The following PLPPR1 variants were observed in gnomAD, a reference collection of about 807,000 sequenced individuals.
PLPPR1 encodes phospholipid phosphatase-related protein type 1.
Under a neutral mutation model 33.1 loss-of-function variants are expected in PLPPR1, and 10 were observed. The observed-to-expected ratio is 0.30, with a 90% CI of 0.19 to 0.51. The LOEUF is 0.51. Ranked by LOEUF, PLPPR1 falls within the 20% of genes least tolerant of loss-of-function variation. The pLI, the probability that PLPPR1 is intolerant of heterozygous loss-of-function variation, is 0.97. For synonymous variants in PLPPR1, 151 were observed against 151.0 expected (o/e 1.00, Z 0.00); for missense variants, 304 against 408.1 (o/e 0.74, Z 2.20).
At position 101,113,669 on chromosome 9, in the gene PLPPR1, C is replaced by T. The variant is rs551455864; in HGVS notation, c.-45-71781C>T. The stretch of plus-strand genomic sequence containing the variant: ...AACAAAAAACAAAAAAACCAAAAAA[C>T]AGTCTATTTTGCCACTGAAGCTTTT... On this transcript the variant is annotated intron_variant, in intron 1 of 7. Coordinates refer to ENST00000374874, the MANE Select transcript of PLPPR1 (RefSeq NM_207299.2). Among the ~76,000 whole-genome samples the T allele has an allele frequency of 2.0e-4, 30 of 151,984 alleles. No homozygotes were observed. In the South Asian group the frequency reaches 5.2e-3, roughly 26 times the overall value.
At chr9:101,250,812 T>C (rs145899201) in intron 2 of PLPPR1, among the ~76,000 whole-genome samples, 5 of 152,240 alleles carry the variant, frequency 3.3e-5, no homozygotes, top group Admixed American at 6.5e-5. Flanking sequence ...TATTAGGTGA[T>C]AGATTTGGGG....
At chr9:101,322,220 AAAAAAAAAGAC>A (rs1829166935) in intron 7 of PLPPR1, among the ~76,000 whole-genome samples, 1 of 148,026 alleles carries the variant, frequency 6.8e-6, no homozygotes, top group African/African-American at 2.4e-5. Context: ...AAAAAAAAAA[AAAAAAAAAGAC>A]AGAAATCAGG....
intron 7 of PLPPR1, among the ~76,000 whole-genome samples, chr9:101,320,618 G>T (rs1224574043): frequency 6.6e-6 from 1 of 152,150 alleles, no homozygotes; most frequent in East Asian, 1.9e-4. Flanking sequence ...CTCACATTAT[G>T]CTATCCATAC....
At chr9:101,305,224 C>T (rs1468906968) in intron 4 of PLPPR1, among the ~76,000 whole-genome samples, 3 of 151,826 alleles carry the variant, frequency 2.0e-5, no homozygotes, top group Admixed American at 6.6e-5. Context: ...TGTGTGCGTG[C>T]ATGTGTGCAT....
At chr9:101,134,662 G>C (rs1831357049) in intron 1 of PLPPR1, among the ~76,000 whole-genome samples, 1 of 152,146 alleles carries the variant, frequency 6.6e-6, no homozygotes, top group South Asian at 2.1e-4. Flanking sequence ...GGGATTACAG[G>C]CAGGAGCCAC....
intron 2 of PLPPR1, among the ~76,000 whole-genome samples, chr9:101,243,962 G>C (rs1355872330): frequency 6.6e-6 from 1 of 151,800 alleles, no homozygotes; most frequent in Admixed American, 6.6e-5. Context: ...ATGACCATTT[G>C]AGGTGTGCAC....
At chr9:101,058,870 T>G (rs1564132734) in intron 1 of PLPPR1, among the ~76,000 whole-genome samples, 2 of 152,152 alleles carry the variant, frequency 1.3e-5, no homozygotes, top group Admixed American at 6.6e-5. Context: ...ATTGGTGTTA[T>G]TTTCATATTA....
At chr9:101,259,026 T>G (rs934755295) in intron 2 of PLPPR1, among the ~76,000 whole-genome samples, 1 of 152,122 alleles carries the variant, frequency 6.6e-6, no homozygotes, top group African/African-American at 2.4e-5. Context: ...CCAATTTAGT[T>G]TAAGTTATAC....
intron 4 of PLPPR1, 22 bp downstream of exon 4, chr9:101,286,258 A>C: frequency 2.5e-6 from 4 of 1,585,000 alleles, no homozygotes; most frequent in Non-Finnish European, 3.4e-6. Flanking sequence ...ATGGTGCTGA[A>C]CTAAGCTCTC....
At chr9:101,245,244 C>G (rs556402576) in intron 2 of PLPPR1, among the ~76,000 whole-genome samples, 1 of 151,082 alleles carries the variant, frequency 6.6e-6, no homozygotes, top group African/African-American at 2.4e-5. Flanking sequence ...TACCTTATAG[C>G]AAAAAAAAGA....
chr9:101,313,279 G>T (rs1367798247), intron 6 of PLPPR1, among the ~76,000 whole-genome samples: 1 of 152,022 alleles, frequency 6.6e-6, no homozygotes. Context: ...TGATAAATTG[G>T]CACACCTTCA....
intron 6 of PLPPR1, among the ~76,000 whole-genome samples, chr9:101,316,493 G>A (rs1829051978): frequency 6.6e-6 from 1 of 151,738 alleles, no homozygotes; most frequent in African/African-American, 2.4e-5. Flanking sequence ...GATGAGCCAG[G>A]TAGAGAGGAT....
chr9:101,083,845 A>G (rs897834689), intron 1 of PLPPR1, among the ~76,000 whole-genome samples: 6 of 152,260 alleles, frequency 3.9e-5, no homozygotes, highest in Non-Finnish European at 8.8e-5. Context: ...CCTTATAAAA[A>G]CAAGAGTAAG....
Position 101,273,590 on chromosome 9 carries a change from G to A in PLPPR1, c.252+3522G>A, listed in dbSNP as rs1471520786. On this transcript the variant is annotated intron_variant, in intron 3 of 7. Coordinates refer to ENST00000374874, the MANE Select transcript of PLPPR1 (RefSeq NM_207299.2). The stretch of plus-strand genomic sequence containing the variant: ...TGGACCAGCACCAAATGTAGTCTGT[G>A]GATCTGAATATTTAACATATCCTAA... Among the ~76,000 whole-genome samples, 4 of 152,224 alleles carry A rather than the reference G, an allele frequency of 2.6e-5. No individual in the cohort carries two copies. In the East Asian group the frequency reaches 7.7e-4, roughly 29 times the overall value.
chr9:101,277,602 G>A (rs1229789561), intron 3 of PLPPR1, among the ~76,000 whole-genome samples: 1 of 152,076 alleles, frequency 6.6e-6, no homozygotes, highest in Non-Finnish European at 1.5e-5. Flanking sequence ...TATCATAATG[G>A]CAAAGATGTT....
At chr9:101,086,706 G>C (rs1830680776) in intron 1 of PLPPR1, among the ~76,000 whole-genome samples, 2 of 151,808 alleles carry the variant, frequency 1.3e-5, no homozygotes, top group Non-Finnish European at 1.5e-5. Context: ...TATATCCTTG[G>C]TCAAAATCTA....
chr9:101,089,230 G>A (rs535286175), intron 1 of PLPPR1, among the ~76,000 whole-genome samples: 1 of 152,108 alleles, frequency 6.6e-6, no homozygotes, highest in African/African-American at 2.4e-5. Flanking sequence ...TTATTAAATA[G>A]ATGTTCAAAA....
intron 1 of PLPPR1, among the ~76,000 whole-genome samples, chr9:101,181,309 T>C (rs868707226): frequency 1.7e-4 from 25 of 150,814 alleles, no homozygotes; most frequent in Middle Eastern, 3.5e-3. Flanking sequence ...AGATGAAAGA[T>C]AGTAAGTGTT....
intron 1 of PLPPR1, among the ~76,000 whole-genome samples, chr9:101,073,501 C>T (rs938561444): frequency 2.0e-5 from 3 of 151,176 alleles, no homozygotes; most frequent in East Asian, 1.9e-4. Flanking sequence ...AAAGCTCAGA[C>T]GTTGTTTGCA....
Sources: allele counts gnomAD v4.1 joint callset (sites outside exome capture counted in the v4.1 genomes callset), GRCh38; gene constraint gnomAD v4.1.1; transcripts MANE v1.5; gene names NCBI Gene and HGNC (gene_info 2026-07-23, HGNC 2026-07-21).